DPP6: variants seen among roughly 807,000 people sequenced by gnomAD.
DPP6 encodes dipeptidyl peptidase like 6, also known as A-type potassium channel modulatory protein DPP6.
DPP6 carries 69 observed loss-of-function variants against 122.6 expected under a neutral mutation model. That is an observed-to-expected ratio of 0.56 (90% CI 0.46 to 0.69). The LOEUF (loss-of-function observed/expected upper bound fraction) is 0.69, where lower values mean the gene tolerates loss of function less well. Among genes scored for constraint, DPP6 ranks in the 30% least tolerant of loss-of-function variants. The pLI, the probability that DPP6 is intolerant of heterozygous loss-of-function variation, is 0.00. For missense variants in DPP6, 928 were observed against 1,116.9 expected (o/e 0.83, Z 2.41); for synonymous variants, 418 against 433.1 (o/e 0.97, Z 0.43).
At chr7:154,056,617 C>T (rs150295932) in intron 1 of DPP6, among the ~76,000 whole-genome samples, 2 of 152,144 alleles carry the variant, frequency 1.3e-5, no homozygotes, top group Admixed American at 6.5e-5. Flanking sequence ...GTGATGACAA[C>T]AGGATTTTAA....
the DPP6 span, among the ~76,000 whole-genome samples, chr7:153,871,695 C>A: frequency 2.2e-4 from 33 of 152,174 alleles, no homozygotes; most frequent in Non-Finnish European, 4.4e-4. Context: ...GTGAGATGAA[C>A]CCAGTACCTC....
intron 2 of DPP6, among the ~76,000 whole-genome samples, chr7:154,471,880 T>C (rs1317049943): frequency 6.6e-6 from 1 of 152,198 alleles, no homozygotes; most frequent in Non-Finnish European, 1.5e-5. Flanking sequence ...GTTATTTAGA[T>C]ATATTAGATA....
chr7:154,131,521 TC>T (rs1795285059), intron 1 of DPP6, among the ~76,000 whole-genome samples: 1 of 152,258 alleles, frequency 6.6e-6, no homozygotes, highest in Non-Finnish European at 1.5e-5. Flanking sequence ...AACTAGGTCA[TC>T]CCCTTCAGCT....
At chr7:154,137,145 G>A (rs1392938594) in intron 1 of DPP6, among the ~76,000 whole-genome samples, 4 of 152,052 alleles carry the variant, frequency 2.6e-5, no homozygotes, top group East Asian at 1.9e-4. Context: ...ACCATAAAAC[G>A]TTTCCACCCC....
intron 5 of DPP6, among the ~76,000 whole-genome samples, chr7:154,572,742 C>T (rs1346470641): frequency 2.7e-5 from 4 of 149,300 alleles, no homozygotes; most frequent in South Asian, 4.3e-4. Context: ...TGCAGTGGCA[C>T]GATCTCAGCT....
In DPP6 at chr7:154,816,263, CAA is replaced by C. The variant is rs1799418989; in HGVS notation, c.1666+9152_1666+9153del. On this transcript the variant is annotated intron_variant, in intron 16 of 25. Coordinates refer to ENST00000377770, the MANE Select transcript of DPP6 (RefSeq NM_130797.4). ...AACTATGCTCTGAAAATATTATAAA[CAA>C]TAAGATATTTTGAGAGAGAGAGACA... Among the ~76,000 whole-genome samples the C allele has an allele frequency of 3.3e-5, 5 of 152,166 alleles. No homozygotes were observed. The South Asian group carries it at 1.0e-3, about 32-fold the overall frequency.
At chr7:154,185,766 C>T (rs1174532461) in intron 1 of DPP6, among the ~76,000 whole-genome samples, 1 of 152,122 alleles carries the variant, frequency 6.6e-6, no homozygotes, top group Non-Finnish European at 1.5e-5. Context: ...TCAATTACTT[C>T]TGGAATCCCC....
intron 7 of DPP6, among the ~76,000 whole-genome samples, chr7:154,687,958 G>A (rs1461704861): frequency 6.6e-6 from 1 of 152,176 alleles, no homozygotes. Flanking sequence ...TGGAGCCTCT[G>A]CTATTTATCA....
intron 19 of DPP6, among the ~76,000 whole-genome samples, chr7:154,874,838 T>G (rs1804714075): frequency 6.6e-6 from 1 of 152,138 alleles, no homozygotes. Context: ...CCCACACCCA[T>G]AAGTATGCTG....
At chr7:154,855,849 T>C (rs539400661) in intron 17 of DPP6, among the ~76,000 whole-genome samples, 2 of 152,348 alleles carry the variant, frequency 1.3e-5, no homozygotes, top group East Asian at 3.9e-4. Flanking sequence ...CAAATGTATA[T>C]TTTCATTTTG....
At chr7:154,197,907 G>C (rs1323382611) in intron 1 of DPP6, among the ~76,000 whole-genome samples, 1 of 152,168 alleles carries the variant, frequency 6.6e-6, no homozygotes, top group African/African-American at 2.4e-5. Context: ...GGAAGACCTA[G>C]AATTTCATTC....
At chr7:154,257,789 A>G (rs1802751319) in intron 1 of DPP6, among the ~76,000 whole-genome samples, 1 of 152,186 alleles carries the variant, frequency 6.6e-6, no homozygotes, top group Admixed American at 6.5e-5. Context: ...ATAGAAGGTA[A>G]TGGTTCCCAC....
rs139345576 is a variant in DPP6, at chr7:154,474,956, T to A, written c.376T>A (p.Ser126Thr). 180 of 1,613,574 alleles carry A rather than the reference T, an allele frequency of 1.1e-4. No homozygotes were observed. The East Asian group carries it at 3.9e-3, about 35-fold the overall frequency. Residue 126 changes from serine to threonine, a missense_variant, in exon 3 of 26, where the codon TCT becomes ACT. Transcript: ENST00000377770. ...TTTTCTAGCGGAAGATAATAGTCTG[T>A]CTCAAAAGAAGAAGGTCACTGTAGA... ...LLTPAEDNSL[S>T]QKKKVTVEDL...
the DPP6 span, among the ~76,000 whole-genome samples, chr7:153,808,527 A>G: frequency 2.0e-5 from 3 of 152,104 alleles, no homozygotes; most frequent in East Asian, 5.8e-4. Flanking sequence ...TATACATTAG[A>G]TCTGCAGAGC....
At chr7:154,412,672 C>CTT (rs893393269) in intron 1 of DPP6, among the ~76,000 whole-genome samples, 22 of 151,794 alleles carry the variant, frequency 1.4e-4, no homozygotes, top group African/African-American at 5.1e-4. Context: ...GAAGCAATAT[C>CTT]TTTTTTTTTC....
At chr7:153,782,405 G>C in the DPP6 span, among the ~76,000 whole-genome samples, 2 of 152,078 alleles carry the variant, frequency 1.3e-5, no homozygotes, top group African/African-American at 4.8e-5. Flanking sequence ...GCACTGTGAA[G>C]ACAAAGCTGT....
intron 7 of DPP6, among the ~76,000 whole-genome samples, chr7:154,718,607 C>G (rs1026224157): frequency 8.7e-5 from 13 of 149,472 alleles, no homozygotes; most frequent in Non-Finnish European, 3.0e-5. Context: ...TTAAAGCTGG[C>G]TTGCCTGGGT....
chr7:154,417,951 GTC>G (rs935874382), intron 1 of DPP6, among the ~76,000 whole-genome samples: 7 of 152,314 alleles, frequency 4.6e-5, no homozygotes, highest in African/African-American at 1.7e-4. Flanking sequence ...AATCATTTGT[GTC>G]TCTCCATGGC....
At chr7:153,800,769 G>A in the DPP6 span, among the ~76,000 whole-genome samples, 1 of 151,768 alleles carries the variant, frequency 6.6e-6, no homozygotes, top group Non-Finnish European at 1.5e-5. Context: ...TACCCTCCTT[G>A]GCCTCCCAAA....
Sources: allele counts gnomAD v4.1 joint callset (sites outside exome capture counted in the v4.1 genomes callset), GRCh38; gene constraint gnomAD v4.1.1; transcripts MANE v1.5; gene names NCBI Gene and HGNC (gene_info 2026-07-23, HGNC 2026-07-21).